CFAP263: variants seen among roughly 807,000 people sequenced by gnomAD.
The protein encoded by CFAP263 is cilia- and flagella-associated protein 263.
chr16:58,250,234 CTT>C, the CFAP263 span: 1 of 591,994 alleles, frequency 1.7e-6, no homozygotes, highest in Non-Finnish European at 3.0e-6. Context: ...ACTGGGGAGA[CTT>C]TTCCTCTTTA....
the CFAP263 span, chr16:58,250,016 T>A: frequency 6.3e-7 from 1 of 1,585,666 alleles, no homozygotes; most frequent in South Asian, 1.1e-5. Flanking sequence ...GGCAGAGTGA[T>A]GACTGATGAT....
At chr16:58,274,956 G>A in the CFAP263 span, among the ~76,000 whole-genome samples, 3 of 152,224 alleles carry the variant, frequency 2.0e-5, no homozygotes, top group Admixed American at 1.3e-4. Flanking sequence ...TAGTACTTAC[G>A]TTTTAATGCC....
chr16:58,266,723 T>C, the CFAP263 span, among the ~76,000 whole-genome samples: 43 of 152,086 alleles, frequency 2.8e-4, no homozygotes, highest in Non-Finnish European at 1.2e-4. Context: ...TCTGGATGAC[T>C]CTTCCCCACT....
chr16:58,251,837 TG>T, the CFAP263 span, among the ~76,000 whole-genome samples: 1 of 152,236 alleles, frequency 6.6e-6, no homozygotes. Flanking sequence ...TACATATGTG[TG>T]TGTAACACAC....
chr16:58,256,699 A>G, the CFAP263 span, among the ~76,000 whole-genome samples: 1 of 152,198 alleles, frequency 6.6e-6, no homozygotes, highest in African/African-American at 2.4e-5. Context: ...TTGATGTTCT[A>G]CCATGTGGAG....
chr16:58,255,399 G>T, the CFAP263 span, among the ~76,000 whole-genome samples: 1 of 152,002 alleles, frequency 6.6e-6, no homozygotes, highest in Non-Finnish European at 1.5e-5. Flanking sequence ...TCTTCCCCCC[G>T]CCCAGTCCAC....
the CFAP263 span, among the ~76,000 whole-genome samples, chr16:58,256,831 T>A: frequency 6.8e-6 from 1 of 148,146 alleles, no homozygotes; most frequent in Non-Finnish European, 1.5e-5. Context: ...TTTTATTTTT[T>A]ATAGTAATAT....
chr16:58,268,888 T>C, the CFAP263 span, among the ~76,000 whole-genome samples: 1 of 152,220 alleles, frequency 6.6e-6, no homozygotes. Context: ...GAAAATAGCT[T>C]TATTGGGATT....
chr16:58,250,842 A>C, the CFAP263 span, among the ~76,000 whole-genome samples: 1 of 152,094 alleles, frequency 6.6e-6, no homozygotes, highest in Admixed American at 6.5e-5. Context: ...AGATGGTTTT[A>C]GTATGAGGCA....
the CFAP263 span, among the ~76,000 whole-genome samples, chr16:58,263,178 G>A: frequency 2.0e-5 from 3 of 152,268 alleles, no homozygotes; most frequent in South Asian, 2.1e-4. Flanking sequence ...ATCTAATGCC[G>A]TATTCAGCAA....
the CFAP263 span, among the ~76,000 whole-genome samples, chr16:58,262,805 A>AGATAGATG: frequency 6.6e-6 from 1 of 151,446 alleles, no homozygotes; most frequent in South Asian, 2.1e-4. Context: ...ATAGATAGAT[A>AGATAGATG]GACAGATGCT....
the CFAP263 span, among the ~76,000 whole-genome samples, chr16:58,261,519 C>G: frequency 6.6e-6 from 1 of 152,132 alleles, no homozygotes; most frequent in African/African-American, 2.4e-5. Context: ...AGCAGTGTCA[C>G]GAGAAAAGGT....
the CFAP263 span, among the ~76,000 whole-genome samples, chr16:58,265,539 G>T: frequency 6.6e-6 from 1 of 152,278 alleles, no homozygotes; most frequent in South Asian, 2.1e-4. Flanking sequence ...AGTGCCTTCT[G>T]CCAACAATAA....
the CFAP263 span, among the ~76,000 whole-genome samples, chr16:58,254,899 C>T: frequency 4.4e-4 from 67 of 152,270 alleles, 1 homozygote; most frequent in East Asian, 1.2e-3. Flanking sequence ...GCCACTGCGC[C>T]GGGCCTACAA....
the CFAP263 span, among the ~76,000 whole-genome samples, chr16:58,270,577 A>G: frequency 6.6e-6 from 1 of 151,620 alleles, no homozygotes; most frequent in South Asian, 2.1e-4. Context: ...CACTTTCTTG[A>G]TAGTTTTGTC....
the CFAP263 span, among the ~76,000 whole-genome samples, chr16:58,255,884 G>A: frequency 6.6e-6 from 1 of 152,240 alleles, no homozygotes; most frequent in East Asian, 1.9e-4. Context: ...ATTTCTATAC[G>A]GCACACGTGC....
the CFAP263 span, among the ~76,000 whole-genome samples, chr16:58,274,940 C>T: frequency 1.6e-4 from 24 of 152,278 alleles, no homozygotes; most frequent in East Asian, 4.2e-3. Flanking sequence ...ATGTCCCTCA[C>T]AGCTGTAGTA....
At chr16:58,262,791 A>ATAGG in the CFAP263 span, among the ~76,000 whole-genome samples, 1 of 152,076 alleles carries the variant, frequency 6.6e-6, no homozygotes, top group Non-Finnish European at 1.5e-5. Context: ...AGATAGATAG[A>ATAGG]TAGATAGATA....
the CFAP263 span, chr16:58,250,249 C>T: frequency 1.8e-6 from 1 of 569,992 alleles, no homozygotes; most frequent in Non-Finnish European, 3.1e-6. Flanking sequence ...CCTCTTTACT[C>T]CTTACTCCAC....
Sources: gnomAD v4.1 joint callset for allele counts (sites outside exome capture counted in the v4.1 genomes callset) on GRCh38, gnomAD v4.1.1 for gene constraint, MANE v1.5 for transcripts, NCBI Gene and HGNC (gene_info 2026-07-23, HGNC 2026-07-21) for gene names.